The following CLIC2 variants were observed in gnomAD, a reference collection of about 807,000 sequenced individuals.
The protein encoded by CLIC2 is chloride intracellular channel protein 2.
CLIC2 carries 9 observed loss-of-function variants against 14.8 expected under a neutral mutation model. The ratio of observed to expected loss-of-function variants is 0.61; its 90% CI spans 0.37 to 1.06. The LOEUF is 1.06. CLIC2 is among the 50% of genes least tolerant of loss of function. The pLI is 0.01. For missense variants in CLIC2, 148 were observed against 181.4 expected, an observed-to-expected ratio of 0.82 and a Z score of 1.06; for synonymous variants, 61 against 66.3, an observed-to-expected ratio of 0.92 and a Z score of 0.39.
At chrX:155,303,087 C>G (rs2075027390) in intron 1 of CLIC2, among the ~76,000 whole-genome samples, 1 of 96,144 alleles carries the variant, frequency 1.0e-5, no homozygotes, top group African/African-American at 3.6e-5. Context: ...CTGTAGATGT[C>G]TATTAGGTCC....
chrX:155,290,854 T>C (rs1557317529), intron 3 of CLIC2: 3 of 647,086 alleles, frequency 4.6e-6, no homozygotes, highest in Non-Finnish European at 2.6e-6. Flanking sequence ...CTACTCCTTG[T>C]AGTGTTTGAT....
intron 1 of CLIC2, among the ~76,000 whole-genome samples, chrX:155,325,120 G>A (rs1378394551): frequency 8.9e-6 from 1 of 112,063 alleles, no homozygotes; most frequent in Non-Finnish European, 1.9e-5. Flanking sequence ...AGATGCTGGA[G>A]AGGATGTGGA....
At chrX:155,286,481 T>C (rs2074943432) in intron 3 of CLIC2, among the ~76,000 whole-genome samples, 1 of 111,925 alleles carries the variant, frequency 8.9e-6, no homozygotes, top group Admixed American at 9.5e-5. Flanking sequence ...TTTATATTCC[T>C]CTGGGTATAT....
At chrX:155,325,608 G>C (rs1557322219) in intron 1 of CLIC2, among the ~76,000 whole-genome samples, 4 of 106,899 alleles carry the variant, frequency 3.7e-5, no homozygotes, top group African/African-American at 1.4e-4. Flanking sequence ...GGAAATGAGA[G>C]GGAGAGCATT....
At chrX:155,290,321 A>T in intron 3 of CLIC2, 1 of 314,232 alleles carries the variant, frequency 3.2e-6, no homozygotes. Context: ...TGGACTTTTA[A>T]AAAACTAGTA....
chrX:155,296,987 A>G (rs782461735), intron 3 of CLIC2, among the ~76,000 whole-genome samples: 11 of 112,260 alleles, frequency 9.8e-5, no homozygotes, highest in Non-Finnish European at 1.7e-4. Flanking sequence ...AGAAATCAGT[A>G]TGTCAAAGGG....
chrX:155,293,201 A>C (rs2074980914), intron 3 of CLIC2: 1 of 789,543 alleles, frequency 1.3e-6, no homozygotes, highest in Admixed American at 2.2e-5. Flanking sequence ...AGCCAGGAGG[A>C]CTCTTTCCAG....
At chrX:155,300,170 T>C (rs1557318875) in intron 1 of CLIC2, among the ~76,000 whole-genome samples, 1 of 109,788 alleles carries the variant, frequency 9.1e-6, no homozygotes, top group Non-Finnish European at 1.9e-5. Context: ...CCACAATGGT[T>C]GAACTAGTTT....
Position 155,316,052 on chromosome X carries a change from A to C in CLIC2, c.58-16907T>G, listed in dbSNP as rs781922745. 5.2e-4 allele frequency among the ~76,000 whole-genome samples: 58 copies of C among 112,030 alleles called. 1 individual carries two copies. The South Asian group carries it at 0.021, about 40-fold the overall frequency. ...AAAGAATGATAAAAGGACTAGTCCA[A>C]CAGGAAAATATCACAATCCTAAATA... On this transcript the variant is annotated intron_variant, in intron 1 of 5. Coordinates refer to ENST00000369449, the MANE Select transcript of CLIC2 (RefSeq NM_001289.6).
intron 3 of CLIC2, among the ~76,000 whole-genome samples, chrX:155,282,554 T>A (rs2074923945): frequency 9.0e-6 from 1 of 111,004 alleles, no homozygotes; most frequent in African/African-American, 3.3e-5. Flanking sequence ...GTAGCCCCAA[T>A]GTCCAGGCCA....
intron 1 of CLIC2, among the ~76,000 whole-genome samples, chrX:155,300,526 T>C (rs1462239730): frequency 1.8e-5 from 2 of 111,446 alleles, no homozygotes; most frequent in Admixed American, 9.5e-5. Context: ...ATTTTGTAGG[T>C]TGCCTGTTGA....
At chrX:155,289,080 G>A (rs1210123125) in intron 3 of CLIC2, among the ~76,000 whole-genome samples, 3 of 109,657 alleles carry the variant, frequency 2.7e-5, no homozygotes, top group Non-Finnish European at 5.7e-5. Context: ...GGAGGCAGAG[G>A]TTGCAGTGAG....
At chrX:155,299,987 T>C (rs782464326) in intron 1 of CLIC2, among the ~76,000 whole-genome samples, 156 of 110,110 alleles carry the variant, frequency 1.4e-3, no homozygotes, top group African/African-American at 5.0e-3. Flanking sequence ...TGTTGGACAT[T>C]TGGGTTGGTT....
At position 155,312,575 on chromosome X, in the gene CLIC2, G is replaced by GTA. The variant is rs1369756866; in HGVS notation, c.58-13432_58-13431dup. ...CTGTTTTGGTAACCATAGCTCTGTA[G>GTA]TATAGTTTTGAGTGAGGTAAGGTGA... is the stretch of plus-strand genomic sequence containing the variant. On this transcript the variant is annotated intron_variant, in intron 1 of 5. Coordinates refer to ENST00000369449, the MANE Select transcript of CLIC2 (RefSeq NM_001289.6). 6.3e-5 allele frequency among the ~76,000 whole-genome samples: 7 copies of GTA among 111,722 alleles called. No individual in the cohort carries two copies. The Admixed American group carries it at 6.7e-4, about 11-fold the overall frequency.
In CLIC2 at chrX:155,322,425, A is replaced by G. The variant is rs781842486; in HGVS notation, c.57+11946T>C. Reference sequence around the variant, plus strand: ...AACTCACTCAAAACCGCACAACTACATGGAAACTGAACAACTGCTCCTGAA... The same window carrying G: ...AACTCACTCAAAACCGCACAACTACGTGGAAACTGAACAACTGCTCCTGAA... On this transcript the variant is annotated intron_variant, in intron 1 of 5. Transcript: ENST00000369449. Among the ~76,000 whole-genome samples, 4 of 112,082 alleles carry G rather than the reference A, an allele frequency of 3.6e-5. No individual in the cohort carries two copies. In the South Asian group the frequency reaches 1.5e-3, roughly 42 times the overall value.
chrX:155,308,048 C>A (rs2075061735), intron 1 of CLIC2, among the ~76,000 whole-genome samples: 1 of 110,084 alleles, frequency 9.1e-6, no homozygotes. Flanking sequence ...TCCAGGAAAA[C>A]ATGACCTCAC....
chrX:155,331,057 T>C (rs1180136286), intron 1 of CLIC2, among the ~76,000 whole-genome samples: 15 of 111,039 alleles, frequency 1.4e-4, no homozygotes, highest in African/African-American at 4.9e-4. Context: ...ATCTTTATGA[T>C]GGCAGGGTGT....
intron 3 of CLIC2, among the ~76,000 whole-genome samples, chrX:155,282,980 C>A (rs2074925638): frequency 9.0e-6 from 1 of 111,520 alleles, no homozygotes; most frequent in African/African-American, 3.3e-5. Flanking sequence ...AGATTTCAGG[C>A]TGGCCCATTC....
chrX:155,328,643 A>T (rs2075146576), intron 1 of CLIC2, among the ~76,000 whole-genome samples: 1 of 111,229 alleles, frequency 9.0e-6, no homozygotes, highest in Non-Finnish European at 1.9e-5. Context: ...AGAAATTTTT[A>T]AAAATCCTAA....
Sources: allele counts gnomAD v4.1 joint callset (sites outside exome capture counted in the v4.1 genomes callset), GRCh38; gene constraint gnomAD v4.1.1; transcripts MANE v1.5; gene names NCBI Gene and HGNC (gene_info 2026-07-23, HGNC 2026-07-21).